Variants in FSD1 observed in about 807,000 individuals in gnomAD.
FSD1 encodes the protein fibronectin type III and SPRY domain-containing protein 1.
FSD1 carries 23 observed loss-of-function variants against 58.2 expected under a neutral mutation model. That is an observed-to-expected ratio of 0.40 (90% CI 0.28 to 0.56). The LOEUF is 0.56. Ranked by LOEUF, FSD1 falls within the 20% of genes least tolerant of loss-of-function variation. The probability of loss-of-function intolerance (pLI) is 0.54; values close to 1 mark genes in which losing one functional copy is unlikely to be tolerated. For missense variants in FSD1, 563 were observed against 670.8 expected, an observed-to-expected ratio of 0.84 and a Z score of 1.78; for synonymous variants, 265 against 263.4, an observed-to-expected ratio of 1.01 and a Z score of -0.06.
At chr19:4,305,200 C>T (rs921254841) in intron 1 of FSD1, among the ~76,000 whole-genome samples, 1 of 150,166 alleles carries the variant, frequency 6.7e-6, no homozygotes, top group African/African-American at 2.5e-5. Flanking sequence ...TCCTCCCTCC[C>T]AGAATCCCCT....
At chr19:4,319,654 C>G (rs73534807) in intron 10 of FSD1, among the ~76,000 whole-genome samples, 2 of 151,860 alleles carry the variant, frequency 1.3e-5, no homozygotes, top group Non-Finnish European at 2.9e-5. Context: ...CTAAATTTTC[C>G]TGGGTGCACC....
chr19:4,323,633 G>A lies in FSD1; in HGVS notation c.1481G>A (p.Ser494Asn). 6.2e-7 allele frequency: 1 copy of A among 1,611,214 alleles called. No homozygotes were observed. The highest frequency in any genetic ancestry group is 8.5e-7 in the Non-Finnish European group (1 of 1,178,122). ...RGSATSSSNT[S>N]LT ...AGTGCTACCAGCAGCTCCAACACCA[G>A]CCTCACCTAGGCCCCCAGGCACCCA... Residue 494 changes from serine to asparagine, a missense_variant, in exon 13 of 13, where the codon AGC becomes AAC. Physicochemically the swap from Ser to Asn is conservative, Grantham distance 46. Coordinates refer to ENST00000221856, the MANE Select transcript of FSD1 (RefSeq NM_024333.3). The surrounding 1 kb of genome is among the most constrained non-coding windows in gnomAD (Gnocchi z 7.7).
At chr19:4,317,088 G>T (rs1971763150) in intron 7 of FSD1, 94 bp from the exon 8 acceptor site, 2 of 770,586 alleles carry the variant, frequency 2.6e-6, no homozygotes, top group East Asian at 5.1e-5. Flanking sequence ...TTAGAATGGC[G>T]TTGGGAATCA....
chr19:4,307,501 G>T (rs946822560), intron 3 of FSD1, among the ~76,000 whole-genome samples: 7 of 152,136 alleles, frequency 4.6e-5, no homozygotes, highest in African/African-American at 1.4e-4. Flanking sequence ...CCGAGTAGCT[G>T]GGATTAGAGG....
At chr19:4,314,069 A>G (rs1971726293) in intron 7 of FSD1, among the ~76,000 whole-genome samples, 1 of 152,140 alleles carries the variant, frequency 6.6e-6, no homozygotes, top group African/African-American at 2.4e-5. Flanking sequence ...ATCCAGGGGA[A>G]TCCCGGAGGG....
At chr19:4,304,871 T>G in intron 1 of FSD1, 110 bp downstream of exon 1, 1 of 463,842 alleles carries the variant, frequency 2.2e-6, no homozygotes, top group Non-Finnish European at 3.2e-6. Context: ...CCAGCTGCTC[T>G]GCGGCTGAGG....
chr19:4,311,783 C>G, intron 6 of FSD1, 59 bp from the exon 7 acceptor site: 1 of 1,525,972 alleles, frequency 6.6e-7, no homozygotes, highest in South Asian at 1.1e-5. Flanking sequence ...TGCAGCAAGC[C>G]CCCTGCCCCC....
intron 4 of FSD1, among the ~76,000 whole-genome samples, chr19:4,309,775 G>A (rs1451340209): frequency 6.6e-6 from 1 of 152,104 alleles, no homozygotes; most frequent in Non-Finnish European, 1.5e-5. Flanking sequence ...TGGGTGTGGT[G>A]GCGGGCGCCT....
rs138538335 is a variant in FSD1 at position 4,314,197 on chromosome 19, T to C, written c.700+2146T>C. ...CATGGTTAATCATGAGCACGCTAACTGCAGGGGGAAAAGTCATCAGCCTCA... is the reference window on the plus strand; with the variant it reads ...CATGGTTAATCATGAGCACGCTAACCGCAGGGGGAAAAGTCATCAGCCTCA... On this transcript the variant is annotated intron_variant, in intron 7 of 12. Transcript: ENST00000221856. Among the ~76,000 whole-genome samples, 203 of 152,322 alleles carry C rather than the reference T, an allele frequency of 1.3e-3. 1 individual carries two copies. The highest frequency in any genetic ancestry group is 4.8e-3 in the African/African-American group (200 of 41,570).
intron 4 of FSD1, among the ~76,000 whole-genome samples, chr19:4,308,726 C>G (rs547250121): frequency 6.6e-6 from 1 of 151,818 alleles, no homozygotes; most frequent in African/African-American, 2.4e-5. Flanking sequence ...GGCGTGGTGG[C>G]GGGCACCTGT....
chr19:4,310,393 G>A, intron 5 of FSD1, 82 bp from the exon 6 acceptor site: 1 of 1,605,036 alleles, frequency 6.2e-7, no homozygotes, highest in Non-Finnish European at 8.5e-7. Flanking sequence ...GCCCTGGACG[G>A]GAGCCCTGGG....
rs1971599863 is a variant in FSD1, at chr19:4,304,913, AG to A, written c.15+153del. On this transcript the variant is annotated intron_variant, in intron 1 of 12. Coordinates refer to ENST00000221856, the MANE Select transcript of FSD1 (RefSeq NM_024333.3). ...CCCATTCGCGACCCCGCCCGGATCT[AG>A]CCCCCCTACCCCAGTTTGGGACGCA... 8 of 363,942 alleles carry A rather than the reference AG, an allele frequency of 2.2e-5. No homozygotes were observed. The East Asian group carries it at 3.2e-4, about 14-fold the overall frequency. The allele number at this position is 363,942 out of a possible 1,614,324, so 22.5% of individuals were successfully genotyped here.
chr19:4,320,121 T>G (rs1971797782), intron 10 of FSD1, among the ~76,000 whole-genome samples: 1 of 152,022 alleles, frequency 6.6e-6, no homozygotes, highest in African/African-American at 2.4e-5. Context: ...AGCTGAGGCC[T>G]GGAGAGTATC....
chr19:4,308,128 G>C (rs901487266), intron 4 of FSD1, 145 bp downstream of exon 4: 19 of 646,468 alleles, frequency 2.9e-5, no homozygotes, highest in Non-Finnish European at 4.3e-5. Flanking sequence ...AAAGTGTCCA[G>C]GCCGGGCACA....
chr19:4,315,786 G>A (rs1373766770), intron 7 of FSD1, among the ~76,000 whole-genome samples: 2 of 151,472 alleles, frequency 1.3e-5, no homozygotes, highest in African/African-American at 2.4e-5. Context: ...TAATTTTTGT[G>A]TTTTTAGTAG....
At chr19:4,308,023 C>T (rs2144755788) in intron 4 of FSD1, 40 bp downstream of exon 4, 5 of 1,489,888 alleles carry the variant, frequency 3.4e-6, no homozygotes, top group East Asian at 4.5e-5. Flanking sequence ...AACAGTGTGC[C>T]CAGTCACGTT....
chr19:4,312,161 G>C, intron 7 of FSD1, 110 bp downstream of exon 7: 1 of 975,166 alleles, frequency 1.0e-6, no homozygotes, highest in Non-Finnish European at 1.5e-6. Context: ...AAAGCTCATG[G>C]GGTCTGGAAG....
At chr19:4,322,959 G>T in intron 10 of FSD1, 27 bp from the exon 11 acceptor site, 1 of 1,594,612 alleles carries the variant, frequency 6.3e-7, no homozygotes. Context: ...CAGTTCCCCT[G>T]CCCACCCCTC....
chr19:4,316,322 A>T (rs1201335019), intron 7 of FSD1, among the ~76,000 whole-genome samples: 1 of 150,754 alleles, frequency 6.6e-6, no homozygotes. Context: ...CCCGGGTTCA[A>T]GTGATTCTCC....
Sources: gnomAD v4.1 joint callset for allele counts (sites outside exome capture counted in the v4.1 genomes callset) on GRCh38, gnomAD v4.1.1 for gene constraint, Gnocchi (gnomAD v3.1) non-coding constraint, MANE v1.5 for transcripts, NCBI Gene and HGNC (gene_info 2026-07-23, HGNC 2026-07-21) for gene names.